HDAC9: variants seen among roughly 807,000 people sequenced by gnomAD.
The protein encoded by HDAC9 is histone deacetylase 9.
Under a neutral mutation model 139.4 loss-of-function variants are expected in HDAC9, and 41 were observed. The observed-to-expected ratio is 0.29, with a 90% CI of 0.23 to 0.38. HDAC9 has a LOEUF of 0.38. Ranked by LOEUF, HDAC9 falls within the 10% of genes least tolerant of loss-of-function variation. The pLI, the probability that HDAC9 is intolerant of heterozygous loss-of-function variation, is 1.00. For synonymous variants in HDAC9, 517 were observed against 476.2 expected (o/e 1.09, Z -1.12); for missense variants, 1,147 against 1,297.0 (o/e 0.88, Z 1.78).
Position 18,647,874 on chromosome 7 carries a change from C to G in HDAC9, c.1125C>G (p.Ile375Met), listed in dbSNP as rs1055441446. The G allele has an allele frequency of 1.9e-6, 3 of 1,612,602 alleles. No homozygotes were observed. The African/African-American group carries it at 4.0e-5, about 22-fold the overall frequency. The change falls in exon 10 of 26, where the codon ATC becomes ATG. Residue 375 changes from isoleucine (I) to methionine (M), a missense_variant. By Grantham distance (10) the Ile-to-Met change is conservative (BLOSUM62 1). Around this residue, in one of 7 missense-constraint regions of HDAC9, gnomAD observed 264 missense variants for 273.8 expected, o/e 0.96. Transcript: ENST00000686413. ...TGCCTGGGCAGTATGGAGGCAGCAT[C>G]CCGGCATCTTCCAGCCACCCTCATG... ...VPLPGQYGGS[I>M]PASSSHPHVT...
chr7:18,561,083 A>AT (rs2128706521), intron 2 of HDAC9, among the ~76,000 whole-genome samples: 1 of 152,250 alleles, frequency 6.6e-6, no homozygotes, highest in African/African-American at 2.4e-5. Context: ...AAAATGAATC[A>AT]TTTTTCTCTC....
At chr7:18,629,637 C>T (rs1017202549) in intron 7 of HDAC9, among the ~76,000 whole-genome samples, 156 bp downstream of exon 7, 2 of 151,994 alleles carry the variant, frequency 1.3e-5, no homozygotes, top group East Asian at 3.9e-4. Context: ...GTTCAATAAA[C>T]CTTGCTATGC....
At chr7:18,492,094 C>T (rs982610541), upstream of HDAC9, among the ~76,000 whole-genome samples, 7 of 152,044 alleles carry the variant, frequency 4.6e-5, no homozygotes, top group East Asian at 3.9e-4. Context: ...ATCCTGCATA[C>T]GACCAAAAAC....
upstream of HDAC9, among the ~76,000 whole-genome samples, chr7:18,493,156 A>G (rs1162273736): frequency 6.6e-6 from 1 of 151,934 alleles, no homozygotes; most frequent in East Asian, 1.9e-4. Flanking sequence ...ATTTTTTATT[A>G]TAAAAGCTGA....
intron 16 of HDAC9, among the ~76,000 whole-genome samples, chr7:18,768,846 C>A (rs1790043722): frequency 6.6e-6 from 1 of 152,076 alleles, no homozygotes; most frequent in Non-Finnish European, 1.5e-5. Context: ...CAGTAGAAAC[C>A]ATACTTTGAA....
At chr7:18,177,346 C>T (rs1789001622) in intron 2 of HDAC9, among the ~76,000 whole-genome samples, 1 of 152,210 alleles carries the variant, frequency 6.6e-6, no homozygotes, top group Admixed American at 6.5e-5. Context: ...AATCTCTTCT[C>T]AGCCTAACTC....
intron 2 of HDAC9, among the ~76,000 whole-genome samples, chr7:18,516,421 A>G (rs1036391601): frequency 2.6e-5 from 4 of 152,188 alleles, no homozygotes; most frequent in African/African-American, 4.8e-5. Context: ...ATTTCCAGGA[A>G]GGAGGATGTC....
At chr7:18,329,710 A>G (rs1800763895) in intron 1 of HDAC9, among the ~76,000 whole-genome samples, 3 of 151,694 alleles carry the variant, frequency 2.0e-5, no homozygotes, top group Non-Finnish European at 2.9e-5. Flanking sequence ...ATTCCTGTTG[A>G]TGGCACTTGG....
In HDAC9 at chr7:18,517,582, T is replaced by C. The variant is rs541825146; in HGVS notation, c.22+21258T>C. 7 of 152,372 alleles carry C rather than the reference T, an allele frequency of 4.6e-5. No individual in the cohort carries two copies. The East Asian group carries it at 1.2e-3, about 25-fold the overall frequency. The allele number at this position is 152,372 out of a possible 1,614,324, so 9.4% of individuals were successfully genotyped here. A position where few individuals can be genotyped will look rare whatever the true frequency, so the allele number is the denominator to read the frequency against. ...ATTAGCTGTAATCTATTACACATCA[T>C]ATACCAACTTTGTTATTCTCTTGTC... is the stretch of plus-strand genomic sequence containing the variant. On this transcript the variant is annotated intron_variant, in intron 2 of 25. Coordinates refer to ENST00000686413, the MANE Select transcript of HDAC9 (RefSeq NM_178425.4).
chr7:18,465,819 A>G (rs1226391966), intron 1 of HDAC9, among the ~76,000 whole-genome samples: 1 of 152,198 alleles, frequency 6.6e-6, no homozygotes, highest in African/African-American at 2.4e-5. Context: ...TTTGTTAAAA[A>G]TCCCTTATCC....
At chr7:18,637,921 G>GA (rs201603408) in intron 8 of HDAC9, among the ~76,000 whole-genome samples, 2,351 of 149,112 alleles carry the variant, frequency 0.016, 67 homozygotes, top group African/African-American at 0.055. Flanking sequence ...CTGGAGAAAA[G>GA]AAAAAAAAAA....
intron 1 of HDAC9, among the ~76,000 whole-genome samples, chr7:18,161,778 C>T (rs1787645337): frequency 6.6e-6 from 1 of 151,858 alleles, no homozygotes. Flanking sequence ...TTTTTTTAGT[C>T]CATTAAACAT....
chr7:18,264,772 A>T (rs1795898120), intron 2 of HDAC9, among the ~76,000 whole-genome samples: 1 of 152,208 alleles, frequency 6.6e-6, no homozygotes, highest in Non-Finnish European at 1.5e-5. Context: ...TCTTATTGAC[A>T]TCTCAAAGCC....
intron 12 of HDAC9, chr7:18,667,088 A>G (rs1185551953): frequency 1.4e-5 from 14 of 985,214 alleles, no homozygotes; most frequent in Non-Finnish European, 1.7e-5. Context: ...AATTGAACAT[A>G]TTAGGAATAC....
intron 14 of HDAC9, among the ~76,000 whole-genome samples, chr7:18,750,248 G>T (rs898170637): frequency 6.6e-6 from 1 of 151,994 alleles, no homozygotes; most frequent in Non-Finnish European, 1.5e-5. Context: ...TCATTTCTAT[G>T]GATAAAAAAA....
At chr7:18,860,336 T>C (rs936334877) in intron 21 of HDAC9, among the ~76,000 whole-genome samples, 2 of 152,160 alleles carry the variant, frequency 1.3e-5, no homozygotes, top group African/African-American at 4.8e-5. Flanking sequence ...ATGTAAGTTT[T>C]AAGAACATTT....
At chr7:18,615,309 T>TAACAC (rs1838265356) in intron 6 of HDAC9, among the ~76,000 whole-genome samples, 1 of 152,188 alleles carries the variant, frequency 6.6e-6, no homozygotes, top group South Asian at 2.1e-4. Flanking sequence ...TTCTTAGAAA[T>TAACAC]AGGCCTATCA....
In HDAC9 at chr7:18,576,843, A is replaced by C. The variant is rs145005407; in HGVS notation, c.23-8438A>C. On this transcript the variant is annotated intron_variant, in intron 2 of 25. Coordinates refer to ENST00000686413, the MANE Select transcript of HDAC9 (RefSeq NM_178425.4). The stretch of plus-strand genomic sequence containing the variant: ...AATCCCAGTAGTACCTGTACATATG[A>C]GTTGCACATTTGGTGGAATAGATGT... 5.0e-3 allele frequency among the ~76,000 whole-genome samples: 767 copies of C among 152,242 alleles called. 5 individuals are homozygous for C. Among genetic ancestry groups the C allele is most frequent in the African/African-American group, 0.017 (722 of 41,536 alleles).
At chr7:18,420,303 A>G (rs1248616692) in intron 1 of HDAC9, among the ~76,000 whole-genome samples, 1 of 152,202 alleles carries the variant, frequency 6.6e-6, no homozygotes, top group African/African-American at 2.4e-5. Context: ...GTTTGCAGAA[A>G]TCACTGACTT....
Sources: gnomAD v4.1 joint callset for allele counts (sites outside exome capture counted in the v4.1 genomes callset) on GRCh38, gnomAD v4.1.1 for gene constraint, gnomAD v4.1.1 regional missense constraint, MANE v1.5 for transcripts, NCBI Gene and HGNC (gene_info 2026-07-23, HGNC 2026-07-21) for gene names.